KCNK13: variants seen among roughly 807,000 people sequenced by gnomAD.
The protein encoded by KCNK13 is potassium two pore domain channel subfamily K member 13, also known as potassium channel subfamily K member 13.
In KCNK13, 12 loss-of-function variants were observed where a neutral mutation model predicts 23.4. The observed-to-expected ratio is 0.51, with a 90% CI of 0.33 to 0.83. The LOEUF (loss-of-function observed/expected upper bound fraction) is 0.83, where lower values mean the gene tolerates loss of function less well. Among genes scored for constraint, KCNK13 ranks in the 40% least tolerant of loss-of-function variants. The pLI is 0.02. For missense variants in KCNK13, 463 were observed against 556.3 expected (o/e 0.83, Z 1.69); for synonymous variants, 231 against 229.5 (o/e 1.01, Z -0.06).
intron 1 of KCNK13, among the ~76,000 whole-genome samples, chr14:90,149,705 A>AT (rs138173466): frequency 0.017 from 2,515 of 152,322 alleles, 92 homozygotes; most frequent in African/African-American, 0.058. Flanking sequence ...CCATGAGGTC[A>AT]TCACAGCAGG....
At chr14:90,149,321 A>C (rs1011411798) in intron 1 of KCNK13, among the ~76,000 whole-genome samples, 3 of 152,210 alleles carry the variant, frequency 2.0e-5, no homozygotes, top group Non-Finnish European at 2.9e-5. Context: ...ACACCACTGC[A>C]CTTGAACCTG....
At chr14:90,161,788 T>C (rs1031972600) in intron 1 of KCNK13, among the ~76,000 whole-genome samples, 1 of 151,752 alleles carries the variant, frequency 6.6e-6, no homozygotes, top group Non-Finnish European at 1.5e-5. Flanking sequence ...ATCAGGAAAA[T>C]TGAACATGAA....
chr14:90,117,154 G>A (rs1009839896), intron 1 of KCNK13, among the ~76,000 whole-genome samples: 1 of 152,194 alleles, frequency 6.6e-6, no homozygotes, highest in African/African-American at 2.4e-5. Context: ...TGCAGCAGTG[G>A]ATCTGATAGC....
Position 90,062,174 on chromosome 14 carries a change from T to G in KCNK13, c.-32T>G. 7.7e-7 allele frequency: 1 copy of G among 1,306,266 alleles called. No individual in the cohort carries two copies. Among genetic ancestry groups the G allele is most frequent in the Non-Finnish European group, 9.8e-7 (1 of 1,017,910 alleles). 80.9% of individuals were successfully genotyped at this position (1,306,266 alleles called of 1,614,324 possible). A position where few individuals can be genotyped will look rare whatever the true frequency, so the allele number is the denominator to read the frequency against. ...GAGACTCCGCCGACGCCCGGTGCCG[T>G]GGGCCTGGGGGCTGCCCCCGGGGGC... On this transcript the variant is annotated 5_prime_UTR_variant, in exon 1 of 2. Coordinates refer to ENST00000282146, the MANE Select transcript of KCNK13 (RefSeq NM_022054.4). This position sits in a 1 kb window ranked among gnomAD's most constrained non-coding sequence, Gnocchi z 4.5.
chr14:90,141,949 AT>A (rs1040497604), intron 1 of KCNK13, among the ~76,000 whole-genome samples: 1 of 150,596 alleles, frequency 6.6e-6, no homozygotes, highest in African/African-American at 2.4e-5. Flanking sequence ...TGCCTGGCTA[AT>A]TTTTTTTTGT....
At chr14:90,174,547 C>T (rs1316521807) in intron 1 of KCNK13, among the ~76,000 whole-genome samples, 1 of 152,038 alleles carries the variant, frequency 6.6e-6, no homozygotes, top group Non-Finnish European at 1.5e-5. Context: ...GGAAAAGAAG[C>T]TTTATTTAAA....
chr14:90,085,749 A>ATATAT (rs1889265165), intron 1 of KCNK13, among the ~76,000 whole-genome samples: 1 of 132,546 alleles, frequency 7.5e-6, no homozygotes. Context: ...TTATATAATT[A>ATATAT]TATATTATAT....
At chr14:90,134,824 T>A (rs756159132) in intron 1 of KCNK13, among the ~76,000 whole-genome samples, 23 of 152,318 alleles carry the variant, frequency 1.5e-4, no homozygotes, top group East Asian at 1.4e-3. Context: ...TATATTATGG[T>A]GAATAATAAA....
At chr14:90,169,554 C>T (rs1411559683) in intron 1 of KCNK13, among the ~76,000 whole-genome samples, 4 of 152,236 alleles carry the variant, frequency 2.6e-5, no homozygotes, top group African/African-American at 7.2e-5. Context: ...AGGAAGTCAG[C>T]TTTGATGGGG....
Position 90,153,295 on chromosome 14 carries a change from A to G in KCNK13, c.335-30816A>G, listed in dbSNP as rs1890157399. On this transcript the variant is annotated intron_variant, in intron 1 of 1. Coordinates refer to ENST00000282146, the MANE Select transcript of KCNK13 (RefSeq NM_022054.4). Reference sequence around the variant, plus strand: ...TAAGGCACATTCTTTGGAGTGAGAAAGACTGTAGTTCTCATACTGGCTCTG... The same window carrying G: ...TAAGGCACATTCTTTGGAGTGAGAAGGACTGTAGTTCTCATACTGGCTCTG... Among the ~76,000 whole-genome samples, 3 of 152,322 alleles carry G rather than the reference A, an allele frequency of 2.0e-5. No homozygotes were observed. In the South Asian group the frequency reaches 6.2e-4, roughly 32 times the overall value.
In KCNK13 at chr14:90,185,197, C is replaced by T. The variant is rs1413617448; in HGVS notation, c.*194C>T. ...TCCAGGGATGGGGGGCCTGAAGCCT[C>T]GATGCTTGTCTCCTGATCCTTATTC... On this transcript the variant is annotated 3_prime_UTR_variant, in exon 2 of 2. Transcript: ENST00000282146. 4 of 515,396 alleles carry T rather than the reference C, an allele frequency of 7.8e-6. No individual in the cohort carries two copies. Among genetic ancestry groups the T allele is most frequent in the Non-Finnish European group, 1.4e-5 (4 of 294,186 alleles). 31.9% of individuals were successfully genotyped at this position (515,396 alleles called of 1,614,324 possible). A position where few individuals can be genotyped will look rare whatever the true frequency, so the allele number is the denominator to read the frequency against.
intron 1 of KCNK13, among the ~76,000 whole-genome samples, chr14:90,072,541 G>A (rs112089541): frequency 3.9e-4 from 60 of 152,290 alleles, no homozygotes; most frequent in African/African-American, 1.4e-3. Flanking sequence ...TTGGGAGGGA[G>A]GACAGGGAGC....
chr14:90,085,740 T>TA, intron 1 of KCNK13, among the ~76,000 whole-genome samples: 1 of 135,634 alleles, frequency 7.4e-6, no homozygotes, highest in South Asian at 2.3e-4. Context: ...TATATATACT[T>TA]ATATAATTAT....
chr14:90,124,460 A>G (rs1037925602), intron 1 of KCNK13, among the ~76,000 whole-genome samples: 3 of 152,242 alleles, frequency 2.0e-5, no homozygotes, highest in African/African-American at 4.8e-5. Flanking sequence ...GATTCAAAGC[A>G]TGAAATGGAT....
intron 1 of KCNK13, among the ~76,000 whole-genome samples, chr14:90,168,386 G>A (rs1180262412): frequency 6.6e-6 from 1 of 151,798 alleles, no homozygotes; most frequent in African/African-American, 2.4e-5. Context: ...AAAAAAGTGA[G>A]GGTTGCTTTT....
At chr14:90,174,465 A>G (rs1890400527) in intron 1 of KCNK13, among the ~76,000 whole-genome samples, 1 of 152,196 alleles carries the variant, frequency 6.6e-6, no homozygotes, top group South Asian at 2.1e-4. Flanking sequence ...ATATGAGGTG[A>G]CATTTGGGTG....
chr14:90,077,145 G>C (rs1415199970), intron 1 of KCNK13, among the ~76,000 whole-genome samples: 1 of 112,208 alleles, frequency 8.9e-6, no homozygotes, highest in Non-Finnish European at 1.8e-5. Context: ...TTTAGACGAA[G>C]TTTCTCTCTC....
Position 90,062,138 on chromosome 14 carries a change from G to A in KCNK13, c.-68G>A. 1 of 1,061,030 alleles carries A rather than the reference G, an allele frequency of 9.4e-7. No individual in the cohort carries two copies. Among genetic ancestry groups the A allele is most frequent in the Non-Finnish European group, 1.2e-6 (1 of 807,178 alleles). 65.7% of individuals were successfully genotyped at this position (1,061,030 alleles called of 1,614,324 possible). Reference sequence around the variant, plus strand: ...TGAGCGCCGGGGCCCTTATTTCCCGGGGGTGTGGGCGAGACTCCGCCGACG... The same window carrying A: ...TGAGCGCCGGGGCCCTTATTTCCCGAGGGTGTGGGCGAGACTCCGCCGACG... On this transcript the variant is annotated 5_prime_UTR_variant, in exon 1 of 2. Transcript: ENST00000282146. The surrounding 1 kb of genome is among the most constrained non-coding windows in gnomAD (Gnocchi z 4.5).
At chr14:90,167,721 T>A (rs2140441694) in intron 1 of KCNK13, among the ~76,000 whole-genome samples, 1 of 152,292 alleles carries the variant, frequency 6.6e-6, no homozygotes, top group East Asian at 1.9e-4. Context: ...CGGAAGTGAC[T>A]GCCTCAATCC....
Sources: allele counts gnomAD v4.1 joint callset (sites outside exome capture counted in the v4.1 genomes callset), GRCh38; gene constraint gnomAD v4.1.1; non-coding constraint Gnocchi (gnomAD v3.1); transcripts MANE v1.5; gene names NCBI Gene and HGNC (gene_info 2026-07-23, HGNC 2026-07-21).